Variants in ZSWIM5 observed in about 807,000 individuals in gnomAD.
ZSWIM5 encodes zinc finger SWIM domain-containing protein 5.
A neutral mutation model predicts 119.6 loss-of-function variants in ZSWIM5; 55 were observed. The observed-to-expected ratio is 0.46, with a 90% CI of 0.37 to 0.58. The LOEUF is 0.58. Among genes scored for constraint, ZSWIM5 ranks in the 20% least tolerant of loss-of-function variants. ZSWIM5 has a pLI of 0.00. For missense variants in ZSWIM5, 1,193 were observed against 1,512.8 expected, an observed-to-expected ratio of 0.79 and a Z score of 3.51; for synonymous variants, 537 against 606.9, an observed-to-expected ratio of 0.88 and a Z score of 1.69.
chr1:45,149,770 T>C (rs1329867110), intron 1 of ZSWIM5, among the ~76,000 whole-genome samples: 2 of 152,160 alleles, frequency 1.3e-5, no homozygotes, highest in Non-Finnish European at 2.9e-5. Context: ...CTATTTCAAG[T>C]TTATCACATT....
At chr1:45,190,233 G>A (rs1444019557) in intron 1 of ZSWIM5, among the ~76,000 whole-genome samples, 6 of 152,144 alleles carry the variant, frequency 3.9e-5, no homozygotes, top group Non-Finnish European at 8.8e-5. Context: ...GCTGAAGTAG[G>A]AGGATCACCT....
At chr1:45,063,983 GAA>G (rs1297677308) in intron 2 of ZSWIM5, among the ~76,000 whole-genome samples, 3 of 137,136 alleles carry the variant, frequency 2.2e-5, no homozygotes, top group Non-Finnish European at 3.2e-5. Context: ...CTCTGTCTCA[GAA>G]AAAAAAAAAA....
At chr1:45,034,582 A>G in intron 10 of ZSWIM5, 113 bp from the exon 11 acceptor site, 1 of 1,283,110 alleles carries the variant, frequency 7.8e-7, no homozygotes. Context: ...AGGATTAACT[A>G]AGAGCTTTGA....
chr1:45,196,557 A>AT (rs1646127097), intron 1 of ZSWIM5, among the ~76,000 whole-genome samples: 1 of 151,110 alleles, frequency 6.6e-6, no homozygotes, highest in African/African-American at 2.4e-5. Context: ...CGCCCGGCTA[A>AT]TTTTTTGTAT....
chr1:45,024,101 T>C (rs1644905578), intron 11 of ZSWIM5, among the ~76,000 whole-genome samples: 2 of 152,168 alleles, frequency 1.3e-5, no homozygotes, highest in South Asian at 4.1e-4. Flanking sequence ...ATATTTGGGA[T>C]ATAAGTCCTT....
chr1:45,100,831 A>G (rs1645435530), intron 1 of ZSWIM5, among the ~76,000 whole-genome samples: 1 of 152,250 alleles, frequency 6.6e-6, no homozygotes, highest in South Asian at 2.1e-4. Flanking sequence ...TGGTGCTGGG[A>G]AAACTGGCTA....
chr1:45,150,601 G>A (rs1318916041), intron 1 of ZSWIM5, among the ~76,000 whole-genome samples: 1 of 152,014 alleles, frequency 6.6e-6, no homozygotes, highest in African/African-American at 2.4e-5. Flanking sequence ...TCCCCTTTCT[G>A]CCCCTATACC....
intron 1 of ZSWIM5, among the ~76,000 whole-genome samples, chr1:45,142,380 C>A (rs1645732561): frequency 6.6e-6 from 1 of 152,154 alleles, no homozygotes. Context: ...GAGTTAAGGT[C>A]TTACTCTGTC....
At chr1:45,022,081 G>A (rs1380295981) in intron 11 of ZSWIM5, among the ~76,000 whole-genome samples, 1 of 151,034 alleles carries the variant, frequency 6.6e-6, no homozygotes, top group East Asian at 1.9e-4. Context: ...AACAATTGTT[G>A]TGAGAATTAT....
chr1:45,104,515 A>G (rs1557766832), intron 1 of ZSWIM5, among the ~76,000 whole-genome samples: 2 of 152,260 alleles, frequency 1.3e-5, no homozygotes, highest in African/African-American at 2.4e-5. Flanking sequence ...ATCATTCAAT[A>G]GCAATCCCAA....
chr1:45,053,127 C>A (rs202206812), intron 4 of ZSWIM5, among the ~76,000 whole-genome samples: 3,258 of 120,176 alleles, frequency 0.027, no homozygotes, highest in Non-Finnish European at 0.03. Flanking sequence ...CCGTCTCAAA[C>A]AAAAAAAAAA....
chr1:45,189,584 A>C (rs1309835241), intron 1 of ZSWIM5, among the ~76,000 whole-genome samples: 1 of 151,398 alleles, frequency 6.6e-6, no homozygotes, highest in African/African-American at 2.4e-5. Flanking sequence ...GCAAAACCTT[A>C]TCTCTACAAA....
At chr1:45,035,924 C>A (rs770348740) in intron 9 of ZSWIM5, 101 bp from the exon 10 acceptor site, 42 of 1,573,702 alleles carry the variant, frequency 2.7e-5, no homozygotes, top group Non-Finnish European at 3.6e-5. Flanking sequence ...ATCATGGGAA[C>A]CTTCATTCAC....
At chr1:45,168,176 G>C (rs1333347632) in intron 1 of ZSWIM5, among the ~76,000 whole-genome samples, 2 of 152,136 alleles carry the variant, frequency 1.3e-5, no homozygotes, top group Admixed American at 6.6e-5. Flanking sequence ...CCTTTGTAGG[G>C]ACATGGATGA....
intron 6 of ZSWIM5, 126 bp from the exon 7 acceptor site, chr1:45,040,664 G>A (rs1199459537): frequency 1.4e-6 from 1 of 714,298 alleles, no homozygotes; most frequent in Non-Finnish European, 2.2e-6. Flanking sequence ...CTGTATACCA[G>A]GAACTGTGTC....
intron 1 of ZSWIM5, among the ~76,000 whole-genome samples, chr1:45,147,994 A>G (rs1645772795): frequency 6.6e-6 from 1 of 152,210 alleles, no homozygotes; most frequent in Non-Finnish European, 1.5e-5. Flanking sequence ...AGGGATTGTA[A>G]TCAAACAAAG....
chr1:45,040,928 C>G (rs1380991894), intron 6 of ZSWIM5, among the ~76,000 whole-genome samples: 3 of 152,094 alleles, frequency 2.0e-5, no homozygotes, highest in South Asian at 2.1e-4. Context: ...AGGGAGTATG[C>G]TGGGCAAAGA....
intron 2 of ZSWIM5, chr1:45,070,252 C>T (rs979031258): frequency 6.8e-7 from 1 of 1,472,260 alleles, no homozygotes; most frequent in Non-Finnish European, 9.5e-7. Flanking sequence ...GTCACAGAAC[C>T]AACACTTGGA....
At chr1:45,149,760 C>A (rs918146034) in intron 1 of ZSWIM5, among the ~76,000 whole-genome samples, 4 of 152,162 alleles carry the variant, frequency 2.6e-5, no homozygotes, top group Admixed American at 6.6e-5. Flanking sequence ...CATAATAAAT[C>A]TATTTCAAGT....
Sources: allele counts gnomAD v4.1 joint callset (sites outside exome capture counted in the v4.1 genomes callset), GRCh38; gene constraint gnomAD v4.1.1; transcripts MANE v1.5; gene names NCBI Gene and HGNC (gene_info 2026-07-23, HGNC 2026-07-21).